Variants in DMD observed in about 807,000 individuals in gnomAD.
DMD encodes the protein mutant dystrophin.
Under a neutral mutation model 330.1 loss-of-function variants are expected in DMD, and 63 were observed. The observed-to-expected ratio is 0.19, with a 90% CI of 0.16 to 0.24. DMD has a LOEUF of 0.24. DMD is among the 10% of genes least tolerant of loss of function. The probability of loss-of-function intolerance (pLI) is 1.00; values close to 1 mark genes in which losing one functional copy is unlikely to be tolerated. For synonymous variants in DMD, 1,223 were observed against 959.8 expected, an observed-to-expected ratio of 1.27 and a Z score of -5.07; for missense variants, 3,344 against 2,684.1, an observed-to-expected ratio of 1.25 and a Z score of -5.43.
chrX:31,596,887 C>T (rs2077137317), intron 55 of DMD, among the ~76,000 whole-genome samples: 1 of 112,111 alleles, frequency 8.9e-6, no homozygotes, highest in Non-Finnish European at 1.9e-5. Context: ...CCTACTGAAT[C>T]AGCATCTCTG....
At chrX:32,214,404 A>G (rs1207525028) in intron 44 of DMD, among the ~76,000 whole-genome samples, 1 of 111,477 alleles carries the variant, frequency 9.0e-6, no homozygotes, top group Non-Finnish European at 1.9e-5. Context: ...GAGAGGTGAT[A>G]TATACACAGA....
rs186788606 is a variant in DMD at position 31,428,324 on chromosome X, A to G, written c.9084+16157T>C. On this transcript the variant is annotated intron_variant, in intron 60 of 78. Transcript: ENST00000357033. ...GTGGCACCTCCCACCCCCTCACTCC[A>G]TCTCTCACCATGTGACACGCTGGTT... Among the ~76,000 whole-genome samples the G allele has an allele frequency of 8.1e-5, 9 of 110,566 alleles. No individual in the cohort carries two copies. The East Asian group carries it at 2.3e-3, about 28-fold the overall frequency.
chrX:33,197,608 C>T (rs1325390620), intron 1 of DMD, among the ~76,000 whole-genome samples: 2 of 111,981 alleles, frequency 1.8e-5, no homozygotes, highest in Admixed American at 1.9e-4. Flanking sequence ...CCTCTGGCAA[C>T]CAATATCTGT....
chrX:31,349,802 A>G (rs1034837958), intron 60 of DMD, among the ~76,000 whole-genome samples: 13 of 111,969 alleles, frequency 1.2e-4, no homozygotes, highest in African/African-American at 3.6e-4. Flanking sequence ...ATGCTAAACT[A>G]GGGGTTGATC....
chrX:32,676,055 T>C (rs759847915), intron 9 of DMD, among the ~76,000 whole-genome samples: 1 of 111,500 alleles, frequency 9.0e-6, no homozygotes, highest in Non-Finnish European at 1.9e-5. Flanking sequence ...ACTACTTTGG[T>C]CAACTCATTC....
chrX:32,403,215 T>G (rs1433995977), intron 30 of DMD, among the ~76,000 whole-genome samples: 4 of 112,223 alleles, frequency 3.6e-5, no homozygotes, highest in Non-Finnish European at 7.5e-5. Context: ...ATAAATTTTC[T>G]GTGTGCTATC....
At chrX:33,230,559 A>T (rs952797464) in intron 1 of DMD, among the ~76,000 whole-genome samples, 1 of 111,590 alleles carries the variant, frequency 9.0e-6, no homozygotes, top group African/African-American at 3.3e-5. Context: ...ATATTCTTTT[A>T]ATATCTAATT....
chrX:31,125,300 C>T (rs1366040165), intron 78 of DMD, among the ~76,000 whole-genome samples: 4 of 112,081 alleles, frequency 3.6e-5, no homozygotes, highest in Admixed American at 1.9e-4. Context: ...CAGGTTTCCT[C>T]AATTTCTCCT....
At chrX:31,271,272 A>G (rs1278848044) in intron 62 of DMD, among the ~76,000 whole-genome samples, 1 of 111,569 alleles carries the variant, frequency 9.0e-6, no homozygotes, top group African/African-American at 3.3e-5. Context: ...GCAGGTATCC[A>G]AGAGACAGTT....
At chrX:31,190,590 C>CGGGGGGGGGGGGGGGGGG in intron 67 of DMD, among the ~76,000 whole-genome samples, 1 of 2,481 alleles carries the variant, frequency 4.0e-4, no homozygotes, top group Non-Finnish European at 1.4e-3. Context: ...CACAACTGGG[C>CGGGGGGGGGGGGGGGGGG]GGGGGGGGGG....
intron 1 of DMD, among the ~76,000 whole-genome samples, chrX:33,182,650 AAAAAGG>A (rs758436908): frequency 3.6e-5 from 4 of 112,004 alleles, no homozygotes; most frequent in Middle Eastern, 4.7e-3. Flanking sequence ...ATTAACAAAG[AAAAAGG>A]AAGAGTAGAA....
At chrX:32,241,520 G>A (rs749432212) in intron 43 of DMD, among the ~76,000 whole-genome samples, 3 of 112,285 alleles carry the variant, frequency 2.7e-5, no homozygotes, top group East Asian at 5.7e-4. Flanking sequence ...TGAATACTGA[G>A]TTTGTCTCCA....
intron 48 of DMD, among the ~76,000 whole-genome samples, chrX:31,842,210 A>T (rs953240364): frequency 6.3e-5 from 7 of 111,794 alleles, no homozygotes; most frequent in African/African-American, 2.3e-4. Context: ...ATTGCAAGAG[A>T]ACTAGAATAA....
At chrX:31,854,852 G>A (rs1370610748) in intron 48 of DMD, among the ~76,000 whole-genome samples, 1 of 111,379 alleles carries the variant, frequency 9.0e-6, no homozygotes, top group Non-Finnish European at 1.9e-5. Flanking sequence ...GCTACCCTGT[G>A]TACTGCAGGG....
intron 52 of DMD, among the ~76,000 whole-genome samples, chrX:31,711,968 A>G (rs1204645509): frequency 9.0e-6 from 1 of 111,088 alleles, no homozygotes; most frequent in Non-Finnish European, 1.9e-5. Context: ...TAGTATATAC[A>G]TATACTATAA....
At chrX:32,511,025 A>C (rs1437653545) in intron 18 of DMD, among the ~76,000 whole-genome samples, 1 of 109,418 alleles carries the variant, frequency 9.1e-6, no homozygotes, top group Non-Finnish European at 1.9e-5. Flanking sequence ...TACTGTATAT[A>C]TACCCCTTTC....
intron 52 of DMD, among the ~76,000 whole-genome samples, chrX:31,708,789 C>T (rs1418057140): frequency 1.8e-5 from 2 of 112,032 alleles, no homozygotes; most frequent in East Asian, 5.6e-4. Context: ...AAATGATAGA[C>T]ACTAAAGTGT....
At chrX:32,502,669 GAAC>G (rs781538063) in intron 18 of DMD, among the ~76,000 whole-genome samples, 3 of 112,167 alleles carry the variant, frequency 2.7e-5, no homozygotes, top group African/African-American at 6.5e-5. Flanking sequence ...AATATAGTAA[GAAC>G]AACACACCTG....
chrX:32,239,363 T>C (rs1346543192), intron 43 of DMD, among the ~76,000 whole-genome samples: 1 of 112,056 alleles, frequency 8.9e-6, no homozygotes, highest in Non-Finnish European at 1.9e-5. Context: ...ATAGACTTGA[T>C]TTTTTAAAGC....
Sources: allele counts gnomAD v4.1 joint callset (sites outside exome capture counted in the v4.1 genomes callset), GRCh38; gene constraint gnomAD v4.1.1; transcripts MANE v1.5; gene names NCBI Gene and HGNC (gene_info 2026-07-23, HGNC 2026-07-21).